The following SPMIP6 variants were observed in gnomAD, a reference collection of about 807,000 sequenced individuals.
SPMIP6 encodes ciliated bronchial epithelial protein 1.
the SPMIP6 span, chr9:34,381,756 G>C: frequency 1.0e-6 from 1 of 985,392 alleles, no homozygotes; most frequent in Non-Finnish European, 1.2e-6. The surrounding 1 kb of genome is among the most constrained non-coding windows in gnomAD (Gnocchi z 4.4). Flanking sequence ...AGCTGTGTCT[G>C]GGTGTCTCTC....
At chr9:34,380,998 C>G in the SPMIP6 span, 15 of 1,610,044 alleles carry the variant, frequency 9.3e-6, no homozygotes, top group African/African-American at 1.3e-5. Flanking sequence ...AGTGGCGGCC[C>G]GAGCAAGCAC....
chr9:34,397,452 C>T, the SPMIP6 span: 3 of 1,599,436 alleles, frequency 1.9e-6, no homozygotes, highest in Non-Finnish European at 2.6e-6. Context: ...GGCATCCAGA[C>T]TGGCCATACA....
chr9:34,379,094 G>A, the SPMIP6 span: 15 of 1,608,502 alleles, frequency 9.3e-6, no homozygotes, highest in African/African-American at 4.0e-5. This position sits in a 1 kb window ranked among gnomAD's most constrained non-coding sequence, Gnocchi z 4.2. Context: ...AACGATAGTC[G>A]GGATAGGTCT....
At chr9:34,381,850 T>A in the SPMIP6 span, 1 of 908,530 alleles carries the variant, frequency 1.1e-6, no homozygotes, top group Non-Finnish European at 1.3e-6. This position sits in a 1 kb window ranked among gnomAD's most constrained non-coding sequence, Gnocchi z 4.4. Context: ...TTCAAAAGGG[T>A]TCCATCAACC....
the SPMIP6 span, among the ~76,000 whole-genome samples, chr9:34,383,105 C>T: frequency 6.6e-6 from 1 of 152,236 alleles, no homozygotes; most frequent in Admixed American, 6.5e-5. Context: ...GTGCCAGCCA[C>T]TTTTCATCCT....
At chr9:34,385,206 C>G in the SPMIP6 span, among the ~76,000 whole-genome samples, 20 of 151,908 alleles carry the variant, frequency 1.3e-4, no homozygotes, top group African/African-American at 4.8e-4. Context: ...GGGAAGAAAT[C>G]TAGGTCATGG....
the SPMIP6 span, among the ~76,000 whole-genome samples, chr9:34,385,460 AG>A: frequency 2.6e-4 from 33 of 128,444 alleles, no homozygotes; most frequent in African/African-American, 9.0e-4. Context: ...TGAACCTGGG[AG>A]GTGGAAGTGG....
chr9:34,392,797 CAAT>C, the SPMIP6 span, among the ~76,000 whole-genome samples: 12 of 152,174 alleles, frequency 7.9e-5, no homozygotes, highest in African/African-American at 2.4e-4. This position sits in a 1 kb window ranked among gnomAD's most constrained non-coding sequence, Gnocchi z 4.6. Context: ...CTGCCTACAA[CAAT>C]GATGATATGG....
the SPMIP6 span, chr9:34,383,014 C>T: frequency 2.5e-5 from 16 of 648,504 alleles, no homozygotes; most frequent in African/African-American, 3.6e-5. Flanking sequence ...CAAGCCCAGC[C>T]GGGCCTACAC....
At chr9:34,379,022 G>T in the SPMIP6 span, 2 of 1,055,964 alleles carry the variant, frequency 1.9e-6, no homozygotes, top group East Asian at 2.4e-5. This position sits in a 1 kb window ranked among gnomAD's most constrained non-coding sequence, Gnocchi z 4.2. Flanking sequence ...GGCAGGCTTT[G>T]GGGTTGAAGA....
chr9:34,393,187 C>G, the SPMIP6 span, among the ~76,000 whole-genome samples: 1 of 152,176 alleles, frequency 6.6e-6, no homozygotes, highest in South Asian at 2.1e-4. Context: ...CTAGGAACAC[C>G]TAACTCTGTC....
the SPMIP6 span, chr9:34,397,498 C>A: frequency 1.2e-6 from 2 of 1,614,126 alleles, no homozygotes; most frequent in South Asian, 1.1e-5. Flanking sequence ...CTCCCACTTA[C>A]CGGAGTCAGA....
At chr9:34,380,589 T>G in the SPMIP6 span, 22 of 1,430,338 alleles carry the variant, frequency 1.5e-5, no homozygotes, top group East Asian at 5.7e-4. Context: ...GTGCGGGGTT[T>G]CTTCCTCAAA....
chr9:34,381,039 G>A, the SPMIP6 span: 2 of 1,611,694 alleles, frequency 1.2e-6, no homozygotes, highest in Non-Finnish European at 1.7e-6. This position sits in a 1 kb window ranked among gnomAD's most constrained non-coding sequence, Gnocchi z 4.4. Context: ...AGGCGGCCGG[G>A]CAGCGGGTCC....
the SPMIP6 span, among the ~76,000 whole-genome samples, chr9:34,382,020 G>A: frequency 1.3e-5 from 2 of 152,242 alleles, no homozygotes; most frequent in African/African-American, 4.8e-5. Context: ...TTCTCCTTCC[G>A]TCTGTGCTCA....
chr9:34,381,057 CG>C, the SPMIP6 span: 3 of 1,611,738 alleles, frequency 1.9e-6, no homozygotes, highest in African/African-American at 4.0e-5. The surrounding 1 kb of genome is among the most constrained non-coding windows in gnomAD (Gnocchi z 4.4). Flanking sequence ...TCCACGCACC[CG>C]CATCGGGGCG....
chr9:34,385,780 C>T, the SPMIP6 span: 1 of 1,612,380 alleles, frequency 6.2e-7, no homozygotes, highest in South Asian at 1.1e-5. Context: ...ATGAGTCAGA[C>T]CCTGGGCAAG....
the SPMIP6 span, among the ~76,000 whole-genome samples, chr9:34,388,685 C>T: frequency 6.8e-6 from 1 of 146,418 alleles, no homozygotes; most frequent in African/African-American, 2.6e-5. Context: ...ATTGTGTCGC[C>T]ATTGCCTCTT....
At chr9:34,396,997 TG>T in the SPMIP6 span, among the ~76,000 whole-genome samples, 4 of 152,306 alleles carry the variant, frequency 2.6e-5, no homozygotes, top group South Asian at 6.2e-4. Context: ...ACAAGTAAAC[TG>T]TGATACATAT....
Sources: gnomAD v4.1 joint callset for allele counts (sites outside exome capture counted in the v4.1 genomes callset) on GRCh38, gnomAD v4.1.1 for gene constraint, Gnocchi (gnomAD v3.1) non-coding constraint, MANE v1.5 for transcripts, NCBI Gene and HGNC (gene_info 2026-07-23, HGNC 2026-07-21) for gene names.